The following EYS variants were observed in gnomAD, a reference collection of about 807,000 sequenced individuals.
EYS encodes the protein EGF-like photoreceptor maintenance factor.
Under a neutral mutation model 282.1 loss-of-function variants are expected in EYS, and 250 were observed. The observed-to-expected ratio is 0.89, with a 90% CI of 0.80 to 0.98. The LOEUF (loss-of-function observed/expected upper bound fraction) is 0.98, where lower values mean the gene tolerates loss of function less well. Among genes scored for constraint, EYS ranks in the 50% least tolerant of loss-of-function variants. The pLI is 0.00. For synonymous variants in EYS, 1,355 were observed against 1,282.9 expected (o/e 1.06, Z -1.20); for missense variants, 4,016 against 3,709.0 (o/e 1.08, Z -2.15).
chr6:65,299,537 G>A (rs1484629339), intron 11 of EYS, among the ~76,000 whole-genome samples: 4 of 151,870 alleles, frequency 2.6e-5, no homozygotes, highest in East Asian at 1.9e-4. Flanking sequence ...AATGCCAGGC[G>A]TTTTGGTTTT....
At chr6:64,010,749 T>C (rs935284781) in intron 33 of EYS, among the ~76,000 whole-genome samples, 3 of 152,182 alleles carry the variant, frequency 2.0e-5, no homozygotes, top group African/African-American at 7.2e-5. Context: ...ACCTGATCTT[T>C]TGACACTGAA....
Position 64,626,519 on chromosome 6 carries a change from G to A in EYS, c.3444-274C>T, listed in dbSNP as rs558307468. ...AGATGAGGTCATTCTGGATTAACTC[G>A]GTGGGCTCTAAATCCAGTGACAAGT... On this transcript the variant is annotated intron_variant, in intron 22 of 42. Coordinates refer to ENST00000503581, the MANE Select transcript of EYS (RefSeq NM_001142800.2). 4.6e-5 allele frequency among the ~76,000 whole-genome samples: 7 copies of A among 152,072 alleles called. No individual in the cohort carries two copies. The East Asian group carries it at 7.7e-4, about 17-fold the overall frequency.
chr6:65,413,716 C>A (rs147360617), intron 5 of EYS, among the ~76,000 whole-genome samples: 1,677 of 152,046 alleles, frequency 0.011, 12 homozygotes, highest in South Asian at 0.026. Flanking sequence ...ATTAGCCAGA[C>A]ATGGTGGCAG....
At position 64,333,262 on chromosome 6, in the gene EYS, C is replaced by T. The variant is rs79913132; in HGVS notation, c.6079-26180G>A. 2.8e-4 allele frequency among the ~76,000 whole-genome samples: 43 copies of T among 152,190 alleles called. 1 individual carries two copies. The East Asian group carries it at 5.8e-3, about 21-fold the overall frequency. The stretch of plus-strand genomic sequence containing the variant: ...ATACAAACCCCACAGAAACTGGGGT[C>T]GGCAAACTTGTAAACAAAATGGAAG... On this transcript the variant is annotated intron_variant, in intron 29 of 42. Transcript: ENST00000503581.
intron 24 of EYS, among the ~76,000 whole-genome samples, chr6:64,615,932 T>C (rs2052958259): frequency 6.6e-6 from 1 of 152,220 alleles, no homozygotes; most frequent in East Asian, 1.9e-4. Context: ...TTTCTATTTC[T>C]AACATATACT....
intron 33 of EYS, among the ~76,000 whole-genome samples, chr6:64,045,321 C>T (rs1770566783): frequency 6.6e-6 from 1 of 151,548 alleles, no homozygotes; most frequent in South Asian, 2.1e-4. Flanking sequence ...GAGGTGGATA[C>T]TGCTATTATT....
intron 12 of EYS, among the ~76,000 whole-genome samples, chr6:65,171,240 A>G (rs957156088): frequency 1.1e-4 from 17 of 151,612 alleles, no homozygotes; most frequent in Non-Finnish European, 2.4e-4. Flanking sequence ...ATTGGGTCTT[A>G]CATGCCTTCT....
At chr6:65,189,683 C>G (rs902469403) in intron 12 of EYS, among the ~76,000 whole-genome samples, 6 of 151,662 alleles carry the variant, frequency 4.0e-5, no homozygotes, top group Non-Finnish European at 8.8e-5. Flanking sequence ...AATGCACCTT[C>G]TTAGATCACA....
intron 21 of EYS, among the ~76,000 whole-genome samples, chr6:64,814,767 A>G (rs1034089030): frequency 6.6e-6 from 1 of 152,014 alleles, no homozygotes; most frequent in Admixed American, 6.6e-5. Context: ...TAATATCTTA[A>G]TGAACCTAAA....
intron 26 of EYS, among the ~76,000 whole-genome samples, chr6:64,446,555 T>A (rs1775123052): frequency 1.5e-5 from 2 of 129,320 alleles, no homozygotes; most frequent in African/African-American, 6.5e-5. Flanking sequence ...TGGGGCATTT[T>A]TCATTTTTTT....
At chr6:64,743,415 C>T (rs1471390981) in intron 22 of EYS, among the ~76,000 whole-genome samples, 1 of 151,980 alleles carries the variant, frequency 6.6e-6, no homozygotes, top group African/African-American at 2.4e-5. Context: ...TGGCAAACTT[C>T]CATATAAATT....
intron 33 of EYS, among the ~76,000 whole-genome samples, chr6:64,012,661 A>G (rs1319175419): frequency 6.6e-6 from 1 of 152,194 alleles, no homozygotes; most frequent in Non-Finnish European, 1.5e-5. Flanking sequence ...ATGGCTGGGT[A>G]AGCAAATTTA....
intron 5 of EYS, among the ~76,000 whole-genome samples, chr6:65,433,866 G>A (rs1413342846): frequency 6.6e-6 from 1 of 152,074 alleles, no homozygotes; most frequent in Non-Finnish European, 1.5e-5. Context: ...TTAACAAGTT[G>A]AAATGCCATG....
chr6:63,996,215 A>G (rs1183548972), intron 34 of EYS, among the ~76,000 whole-genome samples: 1 of 152,076 alleles, frequency 6.6e-6, no homozygotes, highest in Non-Finnish European at 1.5e-5. Flanking sequence ...TAAATGAAAT[A>G]AGCCAGCCAC....
chr6:65,412,887 A>G (rs1767078727), intron 5 of EYS, among the ~76,000 whole-genome samples: 1 of 152,092 alleles, frequency 6.6e-6, no homozygotes. Context: ...CATATCTAAG[A>G]GCTCTTGCAG....
chr6:64,275,173 G>A (rs1006135175), intron 30 of EYS, among the ~76,000 whole-genome samples: 9 of 152,154 alleles, frequency 5.9e-5, no homozygotes, highest in African/African-American at 1.2e-4. Context: ...AACAGGAAGC[G>A]TCCTCTTTTG....
At chr6:64,002,469 G>A (rs1401491754) in intron 33 of EYS, among the ~76,000 whole-genome samples, 2 of 152,284 alleles carry the variant, frequency 1.3e-5, no homozygotes, top group East Asian at 1.9e-4. Flanking sequence ...AAAGCTAAAG[G>A]AGCACACTGT....
intron 31 of EYS, among the ~76,000 whole-genome samples, chr6:64,151,652 G>A (rs540424620): frequency 5.1e-4 from 77 of 151,738 alleles, no homozygotes; most frequent in African/African-American, 1.7e-3. Flanking sequence ...GAGCCACCGC[G>A]CCCTGCCAAC....
At chr6:64,477,549 C>A (rs1396400935) in intron 26 of EYS, among the ~76,000 whole-genome samples, 1 of 152,106 alleles carries the variant, frequency 6.6e-6, no homozygotes, top group East Asian at 1.9e-4. Flanking sequence ...TTCCACATGG[C>A]CCGTTGCTGA....
Sources: gnomAD v4.1 joint callset for allele counts (sites outside exome capture counted in the v4.1 genomes callset) on GRCh38, gnomAD v4.1.1 for gene constraint, MANE v1.5 for transcripts, NCBI Gene and HGNC (gene_info 2026-07-23, HGNC 2026-07-21) for gene names.